TENM3: variants seen among roughly 807,000 people sequenced by gnomAD.
TENM3 encodes the protein teneurin-3.
In TENM3, 63 loss-of-function variants were observed where a neutral mutation model predicts 255.1. The observed-to-expected ratio is 0.25, with a 90% confidence interval of 0.20 to 0.30. The LOEUF (loss-of-function observed/expected upper bound fraction) is 0.30, where lower values mean the gene tolerates loss of function less well. Ranked by LOEUF, TENM3 falls within the 10% of genes least tolerant of loss-of-function variation. The pLI is 1.00. For synonymous variants in TENM3, 1,306 were observed against 1,322.3 expected (o/e 0.99, Z 0.27); for missense variants, 2,929 against 3,461.1 (o/e 0.85, Z 3.86).
the TENM3 span, among the ~76,000 whole-genome samples, chr4:181,801,477 G>A: frequency 4.5e-4 from 69 of 151,960 alleles, no homozygotes; most frequent in Non-Finnish European, 9.0e-4. Flanking sequence ...TGGTGAACCC[G>A]AGGAGGGTGG....
the TENM3 span, among the ~76,000 whole-genome samples, chr4:181,671,308 G>T: frequency 1.3e-5 from 2 of 152,026 alleles, no homozygotes; most frequent in African/African-American, 4.8e-5. Context: ...ATATGAGAAC[G>T]CTGTTATATT....
the TENM3 span, among the ~76,000 whole-genome samples, chr4:181,543,263 G>A: frequency 6.6e-6 from 1 of 151,950 alleles, no homozygotes; most frequent in Non-Finnish European, 1.5e-5. Flanking sequence ...GGGGATCTTT[G>A]GTCACCAGAA....
At chr4:182,727,844 C>G (rs1393892602) in intron 13 of TENM3, among the ~76,000 whole-genome samples, 1 of 148,026 alleles carries the variant, frequency 6.8e-6, no homozygotes, top group Non-Finnish European at 1.5e-5. Context: ...CTGGAACACA[C>G]TTAACCTTCC....
intron 11 of TENM3, among the ~76,000 whole-genome samples, chr4:182,685,920 T>C (rs1756534952): frequency 6.6e-6 from 1 of 152,104 alleles, no homozygotes; most frequent in Admixed American, 6.5e-5. Flanking sequence ...ATGATACTGC[T>C]ATGAATTGGA....
At chr4:182,457,626 C>T (rs114642060) in intron 3 of TENM3, among the ~76,000 whole-genome samples, 2,483 of 132,522 alleles carry the variant, frequency 0.019, 94 homozygotes, top group African/African-American at 0.065. Flanking sequence ...GGCATGAACA[C>T]GGCTCACCAC....
At chr4:181,684,764 T>C in the TENM3 span, among the ~76,000 whole-genome samples, 1 of 152,004 alleles carries the variant, frequency 6.6e-6, no homozygotes, top group Non-Finnish European at 1.5e-5. Context: ...TTGTTGTTTG[T>C]TTTGTTTTGA....
chr4:181,526,480 A>G, the TENM3 span, among the ~76,000 whole-genome samples: 1 of 152,172 alleles, frequency 6.6e-6, no homozygotes, highest in African/African-American at 2.4e-5. Context: ...CGTGATTGAA[A>G]TGTAAAGCTC....
At chr4:182,368,285 T>C (rs1048164432) in intron 3 of TENM3, among the ~76,000 whole-genome samples, 2 of 152,120 alleles carry the variant, frequency 1.3e-5, no homozygotes, top group Middle Eastern at 3.2e-3. Flanking sequence ...AGGATTATGA[T>C]AGTAAACCGT....
the TENM3 span, among the ~76,000 whole-genome samples, chr4:181,802,164 C>G: frequency 6.6e-6 from 1 of 152,084 alleles, no homozygotes; most frequent in African/African-American, 2.4e-5. Flanking sequence ...CAGCTTCATC[C>G]CACGATTTCA....
chr4:182,533,579 C>G (rs1244147087), intron 3 of TENM3, among the ~76,000 whole-genome samples: 1 of 151,142 alleles, frequency 6.6e-6, no homozygotes, highest in Non-Finnish European at 1.5e-5. Flanking sequence ...AATATTTTTC[C>G]AGGTCACCTG....
chr4:181,693,716 G>A, the TENM3 span, among the ~76,000 whole-genome samples: 2 of 152,072 alleles, frequency 1.3e-5, no homozygotes, highest in Non-Finnish European at 2.9e-5. Context: ...TGGTGCCTAG[G>A]TCAACATCAG....
chr4:181,653,416 T>C, the TENM3 span, among the ~76,000 whole-genome samples: 1 of 152,128 alleles, frequency 6.6e-6, no homozygotes, highest in Non-Finnish European at 1.5e-5. Flanking sequence ...GTTTGTTTGT[T>C]TGTTTGTTTT....
chr4:182,258,275 A>C (rs1758556915), intron 1 of TENM3, among the ~76,000 whole-genome samples: 1 of 152,182 alleles, frequency 6.6e-6, no homozygotes, highest in Admixed American at 6.5e-5. Context: ...TTAATGGTAA[A>C]CAGGTTGTTT....
chr4:182,723,566 G>C (rs576819143), intron 13 of TENM3, among the ~76,000 whole-genome samples: 1 of 152,298 alleles, frequency 6.6e-6, no homozygotes, highest in African/African-American at 2.4e-5. Flanking sequence ...AAAGAAGAAA[G>C]TGAGAGTATT....
chr4:182,039,084 C>T, the TENM3 span, among the ~76,000 whole-genome samples: 2 of 152,064 alleles, frequency 1.3e-5, no homozygotes, highest in African/African-American at 2.4e-5. Context: ...TTCTAGAAAC[C>T]CTAGAACACT....
intron 1 of TENM3, among the ~76,000 whole-genome samples, chr4:182,151,938 C>T (rs1579516374): frequency 6.6e-6 from 1 of 152,006 alleles, no homozygotes; most frequent in African/African-American, 2.4e-5. Flanking sequence ...CATATTTTGT[C>T]TCTTGATTGT....
intron 13 of TENM3, among the ~76,000 whole-genome samples, chr4:182,721,319 A>G (rs1221713180): frequency 2.6e-5 from 4 of 152,196 alleles, no homozygotes; most frequent in Non-Finnish European, 5.9e-5. Flanking sequence ...TCATATGCAC[A>G]TTTATGTTAT....
intron 1 of TENM3, among the ~76,000 whole-genome samples, chr4:182,151,221 G>C (rs898585625): frequency 2.6e-5 from 4 of 152,088 alleles, no homozygotes; most frequent in African/African-American, 9.7e-5. Flanking sequence ...ACAGTGAAAA[G>C]ACAGGATTGA....
intron 25 of TENM3, among the ~76,000 whole-genome samples, chr4:182,790,701 T>C (rs1470203882): frequency 1.3e-5 from 2 of 152,196 alleles, no homozygotes; most frequent in African/African-American, 2.4e-5. Context: ...GCAATGTTTC[T>C]AAGTGGGAGA....
Sources: allele counts gnomAD v4.1 joint callset (sites outside exome capture counted in the v4.1 genomes callset), GRCh38; gene constraint gnomAD v4.1.1; transcripts MANE v1.5; gene names NCBI Gene and HGNC (gene_info 2026-07-23, HGNC 2026-07-21).